CACNG3: variants seen among roughly 807,000 people sequenced by gnomAD.
The protein encoded by CACNG3 is voltage-dependent calcium channel gamma-3 subunit.
A neutral mutation model predicts 28.5 loss-of-function variants in CACNG3; 3 were observed. The observed-to-expected ratio is 0.11, with a 90% confidence interval of 0.05 to 0.27. The LOEUF is 0.27. CACNG3 is among the 10% of genes least tolerant of loss of function. The pLI is 1.00. For synonymous variants in CACNG3, 174 were observed against 162.2 expected (o/e 1.07, Z -0.55); for missense variants, 236 against 414.4 (o/e 0.57, Z 3.74).
chr16:24,306,321 T>A (rs549232742), intron 1 of CACNG3, among the ~76,000 whole-genome samples: 1 of 152,202 alleles, frequency 6.6e-6, no homozygotes, highest in South Asian at 2.1e-4. Context: ...GCTGCTGAAG[T>A]GACCATACTG....
chr16:24,340,422 G>A (rs983776099), intron 1 of CACNG3, among the ~76,000 whole-genome samples: 1 of 152,072 alleles, frequency 6.6e-6, no homozygotes, highest in Non-Finnish European at 1.5e-5. Flanking sequence ...AAATAATTTA[G>A]TGTACCTTTT....
At chr16:24,281,517 G>A (rs2247011) in intron 1 of CACNG3, among the ~76,000 whole-genome samples, 106,864 of 151,976 alleles carry the variant, frequency 0.7, 37,728 homozygotes, top group East Asian at 0.83. Context: ...GGAGGGCTGT[G>A]TACTTGAATC....
chr16:24,264,864 G>T (rs1330478067), intron 1 of CACNG3, among the ~76,000 whole-genome samples: 2 of 152,192 alleles, frequency 1.3e-5, no homozygotes, highest in East Asian at 3.8e-4. Context: ...ACTAAAACTG[G>T]TGCATGTTTA....
intron 1 of CACNG3, among the ~76,000 whole-genome samples, chr16:24,305,199 G>A (rs1899168781): frequency 6.6e-6 from 1 of 152,086 alleles, no homozygotes; most frequent in South Asian, 2.1e-4. Flanking sequence ...GAGATGCTAT[G>A]CATGAATGGG....
chr16:24,301,512 C>CA (rs1247661369), intron 1 of CACNG3, among the ~76,000 whole-genome samples: 62 of 152,246 alleles, frequency 4.1e-4, no homozygotes, highest in African/African-American at 1.5e-3. Flanking sequence ...TCCTGCAGCT[C>CA]ACGACGGTCA....
rs1354640017 is a variant in CACNG3, at chr16:24,317,626, G to GGA, written c.212-29108_212-29107insGA. On this transcript the variant is annotated intron_variant, in intron 1 of 3. Coordinates refer to ENST00000005284, the MANE Select transcript of CACNG3 (RefSeq NM_006539.4). ...AGAAAGAAAGAAAGAAAGAAAGAAA[G>GGA]ACAGACAGAAAGAAAGAAAAGAAAA... 2.1e-3 allele frequency among the ~76,000 whole-genome samples: 97 copies of GGA among 46,300 alleles called. 2 individuals carry two copies. Among genetic ancestry groups the GGA allele is most frequent in the African/African-American group, 3.9e-3 (47 of 11,934 alleles). 30.4% of individuals were successfully genotyped at this position (46,300 alleles called of 152,430 possible). A position where few individuals can be genotyped will look rare whatever the true frequency, so the allele number is the denominator to read the frequency against.
chr16:24,293,245 C>T (rs1898988204), intron 1 of CACNG3, among the ~76,000 whole-genome samples: 1 of 152,152 alleles, frequency 6.6e-6, no homozygotes, highest in Non-Finnish European at 1.5e-5. Context: ...TTCTCTGCAC[C>T]CTGAAATAAA....
intron 1 of CACNG3, among the ~76,000 whole-genome samples, chr16:24,273,961 T>C (rs1403122170): frequency 2.0e-5 from 3 of 152,088 alleles, no homozygotes; most frequent in Non-Finnish European, 4.4e-5. Flanking sequence ...CTCCTCAGTA[T>C]AGTATAGCAG....
In CACNG3 at chr16:24,345,626, G is replaced by T. The variant is rs914299293; in HGVS notation, c.212-1108G>T. Among the ~76,000 whole-genome samples, 3 of 152,202 alleles carry T rather than the reference G, an allele frequency of 2.0e-5. No homozygotes were observed. The East Asian group carries it at 5.8e-4, about 29-fold the overall frequency. Reference sequence around the variant, plus strand: ...GAGGCAGGATAATCTCTTGAACCCGGGAGGCAGAGGTTGCAGTGAGCCGAG... The same window carrying T: ...GAGGCAGGATAATCTCTTGAACCCGTGAGGCAGAGGTTGCAGTGAGCCGAG... On this transcript the variant is annotated intron_variant, in intron 1 of 3. Transcript: ENST00000005284.
rs71381659 is a variant in CACNG3 at position 24,301,043 on chromosome 16, C to CAAAA, written c.211+44093_211+44096dup. Among the ~76,000 whole-genome samples the CAAAA allele has an allele frequency of 2.7e-3, 286 of 104,670 alleles. 2 individuals are homozygous for CAAAA. Among genetic ancestry groups the CAAAA allele is most frequent in the African/African-American group, 9.9e-3 (280 of 28,394 alleles). 68.7% of individuals were successfully genotyped at this position (104,670 alleles called of 152,430 possible). A position where few individuals can be genotyped will look rare whatever the true frequency, so the allele number is the denominator to read the frequency against. On this transcript the variant is annotated intron_variant, in intron 1 of 3. Coordinates refer to ENST00000005284, the MANE Select transcript of CACNG3 (RefSeq NM_006539.4). ...GGGTGACAAGAGCAAGGCTCCATCT[C>CAAAA]AAAAAAAAAAAAAAAAAATTAGTCT...
chr16:24,334,579 T>C (rs1326048424), intron 1 of CACNG3, among the ~76,000 whole-genome samples: 1 of 152,178 alleles, frequency 6.6e-6, no homozygotes, highest in Non-Finnish European at 1.5e-5. Context: ...GGGAAACCTG[T>C]CTCCACTCCC....
At chr16:24,288,597 C>T (rs1335114229) in intron 1 of CACNG3, among the ~76,000 whole-genome samples, 4 of 152,172 alleles carry the variant, frequency 2.6e-5, no homozygotes, top group Middle Eastern at 3.2e-3. Context: ...ACTGTCTTTT[C>T]CCCTTCATCT....
chr16:24,340,504 G>C (rs1418783271), intron 1 of CACNG3, among the ~76,000 whole-genome samples: 1 of 152,146 alleles, frequency 6.6e-6, no homozygotes, highest in Non-Finnish European at 1.5e-5. Flanking sequence ...GTGTATCAAA[G>C]TATCACTCTG....
chr16:24,323,197 G>T (rs1489118602), intron 1 of CACNG3, among the ~76,000 whole-genome samples: 1 of 132,806 alleles, frequency 7.5e-6, no homozygotes, highest in African/African-American at 2.9e-5. Flanking sequence ...ACTACATTCA[G>T]CCTGGGCCAC....
At chr16:24,266,886 G>A (rs1158366873) in intron 1 of CACNG3, among the ~76,000 whole-genome samples, 1 of 152,100 alleles carries the variant, frequency 6.6e-6, no homozygotes, top group South Asian at 2.1e-4. Context: ...CTGTTTCCAA[G>A]GAAGCTGGAG....
At chr16:24,262,911 A>C (rs2141343999) in intron 1 of CACNG3, among the ~76,000 whole-genome samples, 1 of 152,322 alleles carries the variant, frequency 6.6e-6, no homozygotes, top group East Asian at 1.9e-4. Flanking sequence ...ATTTGTATGG[A>C]TAACTAGTGT....
At chr16:24,297,270 A>G (rs980058631) in intron 1 of CACNG3, among the ~76,000 whole-genome samples, 1 of 126,514 alleles carries the variant, frequency 7.9e-6, no homozygotes, top group African/African-American at 4.0e-5. Context: ...AAAATAAAAT[A>G]AAATAAAATA....
intron 2 of CACNG3, among the ~76,000 whole-genome samples, chr16:24,352,871 ACGGGGCTCAGCCCTCAG>A (rs1899975303): frequency 6.6e-6 from 1 of 152,248 alleles, no homozygotes; most frequent in East Asian, 1.9e-4. Context: ...TACCCGTTAC[ACGGGGCTCAGCCCTCAG>A]AAGGGCCCCA....
At chr16:24,301,193 A>G (rs915285670) in intron 1 of CACNG3, among the ~76,000 whole-genome samples, 8 of 150,986 alleles carry the variant, frequency 5.3e-5, no homozygotes, top group Admixed American at 3.3e-4. Flanking sequence ...CCTGGGCAAC[A>G]GAGTGAGACT....
Sources: allele counts gnomAD v4.1 joint callset (sites outside exome capture counted in the v4.1 genomes callset), GRCh38; gene constraint gnomAD v4.1.1; transcripts MANE v1.5; gene names NCBI Gene and HGNC (gene_info 2026-07-23, HGNC 2026-07-21).